Variants in DIAPH3 observed in about 807,000 individuals in gnomAD.
DIAPH3 encodes the protein protein diaphanous homolog 3.
Under a neutral mutation model 144.3 loss-of-function variants are expected in DIAPH3, and 117 were observed. That is an observed-to-expected ratio of 0.81 (90% CI 0.70 to 0.95). The LOEUF is 0.95. Ranked by LOEUF, DIAPH3 falls within the 40% of genes least tolerant of loss-of-function variation. The probability of loss-of-function intolerance (pLI) is 0.00; values close to 1 mark genes in which losing one functional copy is unlikely to be tolerated. For synonymous variants in DIAPH3, 519 were observed against 488.9 expected, an observed-to-expected ratio of 1.06 and a Z score of -0.81; for missense variants, 1,421 against 1,412.7, an observed-to-expected ratio of 1.01 and a Z score of -0.09.
At chr13:60,060,950 C>A (rs1594546993) in intron 4 of DIAPH3, among the ~76,000 whole-genome samples, 1 of 133,376 alleles carries the variant, frequency 7.5e-6, no homozygotes, top group East Asian at 3.8e-4. Flanking sequence ...GTTATAATAA[C>A]CACTGAAACT....
intron 14 of DIAPH3, among the ~76,000 whole-genome samples, chr13:59,974,977 T>C (rs2050588281): frequency 6.6e-6 from 1 of 152,020 alleles, no homozygotes; most frequent in African/African-American, 2.4e-5. Flanking sequence ...CTGATATCTT[T>C]GGGAAAGTAA....
intron 27 of DIAPH3, among the ~76,000 whole-genome samples, chr13:59,766,477 T>C (rs2037863093): frequency 6.6e-6 from 1 of 152,132 alleles, no homozygotes; most frequent in South Asian, 2.1e-4. Context: ...ACAGGTGTTA[T>C]CAGATGGGAG....
chr13:59,754,463 G>A (rs773458513), intron 27 of DIAPH3, among the ~76,000 whole-genome samples: 2 of 152,082 alleles, frequency 1.3e-5, no homozygotes, highest in African/African-American at 4.8e-5. Flanking sequence ...CACCTCTTAT[G>A]TCTGGGGCAA....
In DIAPH3 at chr13:59,858,738, T is replaced by C. The variant is rs990103325; in HGVS notation, c.2737+2669A>G. On this transcript the variant is annotated intron_variant, in intron 22 of 27. Transcript: ENST00000400324. ...GGAAAAATGTATTGAACCTTAGAAG[T>C]CCAAAAAGAGAGAAATATTACAATG... 4.6e-5 allele frequency among the ~76,000 whole-genome samples: 7 copies of C among 152,088 alleles called. 1 individual carries two copies. The highest frequency in any genetic ancestry group is 4.2e-4 in the South Asian group (2 of 4,814).
chr13:60,007,054 A>ATTTT (rs1044240333), intron 9 of DIAPH3, among the ~76,000 whole-genome samples: 2 of 145,794 alleles, frequency 1.4e-5, no homozygotes. Flanking sequence ...TCATATTCTC[A>ATTTT]TTTTTTTTTT....
At chr13:59,826,547 G>T (rs2041437243) in intron 24 of DIAPH3, among the ~76,000 whole-genome samples, 2 of 149,056 alleles carry the variant, frequency 1.3e-5, no homozygotes, top group Admixed American at 1.3e-4. Flanking sequence ...CAAACAAATG[G>T]AAGAACATTC....
At chr13:59,897,886 C>G (rs1216251292) in intron 20 of DIAPH3, among the ~76,000 whole-genome samples, 2 of 151,890 alleles carry the variant, frequency 1.3e-5, no homozygotes, top group East Asian at 3.9e-4. Flanking sequence ...AATTCCAGCA[C>G]TTTGGGAAAC....
chr13:59,973,649 T>C (rs535812191), intron 15 of DIAPH3, among the ~76,000 whole-genome samples: 9 of 152,106 alleles, frequency 5.9e-5, no homozygotes, highest in Non-Finnish European at 1.3e-4. Context: ...GGATATAGTA[T>C]ACCTGAGACT....
At chr13:59,703,259 A>G (rs2034219377) in intron 27 of DIAPH3, among the ~76,000 whole-genome samples, 1 of 152,234 alleles carries the variant, frequency 6.6e-6, no homozygotes, top group Non-Finnish European at 1.5e-5. Flanking sequence ...AGAGTATCTG[A>G]TTAAAATTTT....
intron 27 of DIAPH3, among the ~76,000 whole-genome samples, chr13:59,684,015 G>A (rs1483416598): frequency 6.6e-6 from 1 of 151,708 alleles, no homozygotes; most frequent in Admixed American, 6.6e-5. Flanking sequence ...CATACTCAGT[G>A]AAGTTGTTGT....
At chr13:60,142,890 A>G (rs2059458948) in intron 1 of DIAPH3, among the ~76,000 whole-genome samples, 1 of 151,740 alleles carries the variant, frequency 6.6e-6, no homozygotes, top group Non-Finnish European at 1.5e-5. Flanking sequence ...TGGGATTACA[A>G]GAGCACACCA....
rs751460645 is a variant in DIAPH3 at position 59,666,623 on chromosome 13, G to T, written c.3543C>A (p.Pro1181=). ...ATCTTGCCAGCAGGGCTTCAACTTC[G>T]GGAACTGATTCATTTTTAGAAAAAG... ...LGSFSKNESV[P]EVEALLARLR... is the part of the protein sequence containing the mutation. Residue 1181 remains proline, a synonymous_variant, in exon 28 of 28, where the codon CCC becomes CCA. Coordinates refer to ENST00000400324, the MANE Select transcript of DIAPH3 (RefSeq NM_001042517.2). 1 of 1,613,796 alleles carries T rather than the reference G, an allele frequency of 6.2e-7. No individual in the cohort carries two copies. Among genetic ancestry groups the T allele is most frequent in the African/African-American group, 1.3e-5 (1 of 74,878 alleles).
At chr13:59,906,673 G>T (rs527443213) in intron 20 of DIAPH3, among the ~76,000 whole-genome samples, 1 of 152,226 alleles carries the variant, frequency 6.6e-6, no homozygotes, top group East Asian at 1.9e-4. Flanking sequence ...ACATTTGTTC[G>T]ATTCAATCTT....
At chr13:59,967,484 T>C (rs1178083619) in intron 17 of DIAPH3, among the ~76,000 whole-genome samples, 3 of 152,132 alleles carry the variant, frequency 2.0e-5, no homozygotes, top group African/African-American at 7.2e-5. Flanking sequence ...AGCCAGGCCA[T>C]GAATAAAAGA....
intron 20 of DIAPH3, among the ~76,000 whole-genome samples, chr13:59,908,934 C>T (rs989212275): frequency 3.3e-5 from 5 of 152,120 alleles, no homozygotes; most frequent in African/African-American, 7.2e-5. Flanking sequence ...AAACTCTTGA[C>T]TTTTTCTTAT....
intron 24 of DIAPH3, among the ~76,000 whole-genome samples, chr13:59,824,411 C>T (rs2041254859): frequency 6.6e-6 from 1 of 152,118 alleles, no homozygotes; most frequent in Non-Finnish European, 1.5e-5. Context: ...GACTCAACTC[C>T]AAGATGCTCT....
intron 22 of DIAPH3, among the ~76,000 whole-genome samples, chr13:59,842,524 A>T (rs1451111395): frequency 6.6e-6 from 1 of 152,104 alleles, no homozygotes; most frequent in Admixed American, 6.6e-5. Context: ...AGACTCCATA[A>T]GTTAAGGAGA....
chr13:59,992,667 A>G (rs565276132), intron 9 of DIAPH3, 84 bp from the exon 10 acceptor site: 3 of 1,058,312 alleles, frequency 2.8e-6, no homozygotes, highest in Admixed American at 3.9e-5. Flanking sequence ...GTTTTGTTCC[A>G]GCATTATTAA....
At position 59,666,267 on chromosome 13, in the gene DIAPH3, C is replaced by A; in HGVS notation, c.*317G>T. The A allele has an allele frequency of 4.2e-6, 1 of 239,552 alleles. No individual in the cohort carries two copies. The highest frequency in any genetic ancestry group is 7.9e-6 in the Non-Finnish European group (1 of 126,846). 14.8% of individuals were successfully genotyped at this position (239,552 alleles called of 1,614,324 possible). ...TAGAAAGATGGTATTTTCTTAAGGA[C>A]ACACTGCTGAACACATGGCCACCTA... On this transcript the variant is annotated 3_prime_UTR_variant, in exon 28 of 28. Coordinates refer to ENST00000400324, the MANE Select transcript of DIAPH3 (RefSeq NM_001042517.2).
Sources: gnomAD v4.1 joint callset for allele counts (sites outside exome capture counted in the v4.1 genomes callset) on GRCh38, gnomAD v4.1.1 for gene constraint, MANE v1.5 for transcripts, NCBI Gene and HGNC (gene_info 2026-07-23, HGNC 2026-07-21) for gene names.